BRF1: variants seen among roughly 807,000 people sequenced by gnomAD.
BRF1 encodes the protein transcription factor IIIB 90 kDa subunit.
BRF1 carries 59 observed loss-of-function variants against 81.7 expected under a neutral mutation model. The ratio of observed to expected loss-of-function variants is 0.72; its 90% CI spans 0.59 to 0.90. The LOEUF (loss-of-function observed/expected upper bound fraction) is 0.90, where lower values mean the gene tolerates loss of function less well. BRF1 is among the 40% of genes least tolerant of loss of function. The probability of loss-of-function intolerance (pLI) is 0.00; values close to 1 mark genes in which losing one functional copy is unlikely to be tolerated. For missense variants in BRF1, 1,050 were observed against 936.3 expected, an observed-to-expected ratio of 1.12 and a Z score of -1.58; for synonymous variants, 491 against 395.6, an observed-to-expected ratio of 1.24 and a Z score of -2.86.
chr14:105,217,664 C>A lies in BRF1; in HGVS notation c.1652G>T (p.Gly551Val), dbSNP rs753140640. 2 of 1,613,380 alleles carry A rather than the reference C, an allele frequency of 1.2e-6. No individual in the cohort carries two copies. The highest frequency in any genetic ancestry group is 2.2e-5 in the South Asian group (2 of 91,082). ...SVLRGLSSAGGGSPHREDAQP... is the reference protein window; with the variant it reads ...SVLRGLSSAGVGSPHREDAQP... ...TGCATCCTCCCTGTGCGGACTGCCC[C>A]CGCCGGCGCTGCTGAGGCCCCGGAG... Residue 551 changes from glycine (G) to valine (V), a missense_variant, in exon 15 of 18, where the codon GGG (glycine) becomes GTG (valine). Physicochemically the swap from Gly to Val is moderately radical, Grantham distance 109. This residue lies in a region of BRF1 where 1,043 missense variants were observed against 915.4 expected (regional missense o/e 1.14). Coordinates refer to ENST00000547530, the MANE Select transcript of BRF1 (RefSeq NM_001519.4).
intron 4 of BRF1, 85 bp downstream of exon 4, chr14:105,256,433 T>C (rs761112783): frequency 1.9e-6 from 3 of 1,613,582 alleles, no homozygotes; most frequent in African/African-American, 1.3e-5. Flanking sequence ...TGGAGGCACC[T>C]GGGGTACACC....
At chr14:105,229,581 G>C (rs587755143) in intron 6 of BRF1, among the ~76,000 whole-genome samples, 7 of 152,340 alleles carry the variant, frequency 4.6e-5, no homozygotes, top group East Asian at 3.9e-4. Flanking sequence ...GTGAGAGTCT[G>C]AGTGACAGCT....
At chr14:105,303,868 CTGT>C (rs1222328303), upstream of BRF1, among the ~76,000 whole-genome samples, 1 of 152,232 alleles carries the variant, frequency 6.6e-6, no homozygotes, top group Non-Finnish European at 1.5e-5. Context: ...CTTGCAGACA[CTGT>C]TGTCTCCATT....
rs1214289664 is a variant in BRF1, at chr14:105,271,107, CTGCT to C, written c.439+1610_439+1613del. The stretch of plus-strand genomic sequence containing the variant: ...AAAAACATGAAAGAAATGAAACAGC[CTGCT>C]GGAAGCTAAAGTTCAGGTGCTGTCC... On this transcript the variant is annotated intron_variant, in intron 3 of 17. Transcript: ENST00000547530. The surrounding 1 kb of genome is among the most constrained non-coding windows in gnomAD (Gnocchi z 5.5). Among the ~76,000 whole-genome samples, 1 of 152,208 alleles carries C rather than the reference CTGCT, an allele frequency of 6.6e-6. No individual in the cohort carries two copies. Among genetic ancestry groups the C allele is most frequent in the Non-Finnish European group, 1.5e-5 (1 of 68,038 alleles).
At chr14:105,250,081 C>T (rs768981856) in intron 5 of BRF1, 16 of 1,612,876 alleles carry the variant, frequency 9.9e-6, no homozygotes, top group South Asian at 4.4e-5. Flanking sequence ...CAACCATGAC[C>T]CTAGAGGAGT....
At chr14:105,252,716 C>A in intron 4 of BRF1, 137 bp from the exon 5 acceptor site, 1 of 898,386 alleles carries the variant, frequency 1.1e-6, no homozygotes. Flanking sequence ...CACCCGCAAG[C>A]CTGGCTGGCC....
intron 3 of BRF1, among the ~76,000 whole-genome samples, chr14:105,265,420 G>A (rs2056365750): frequency 6.6e-6 from 1 of 152,156 alleles, no homozygotes; most frequent in South Asian, 2.1e-4. Flanking sequence ...GTACATCAGA[G>A]TCAAACTGCC....
chr14:105,252,305 A>G (rs1595392668), intron 5 of BRF1: 2 of 922,170 alleles, frequency 2.2e-6, no homozygotes, highest in Admixed American at 1.2e-4. Flanking sequence ...GTGCCACTGC[A>G]CTCCAGCCTG....
rs1330088417 is a variant in BRF1 at position 105,209,402 on chromosome 14, G to C, written c.*1149C>G. On this transcript the variant is annotated 3_prime_UTR_variant, in exon 18 of 18. Transcript: ENST00000547530. ...CTGAGCTCTGGGCGGGGGTAGGGGG[G>C]TCTGGCCTGCTGCGGGCCAAGTTGG... 1.5e-6 allele frequency: 1 copy of C among 658,942 alleles called. No homozygotes were observed. Among genetic ancestry groups the C allele is most frequent in the Non-Finnish European group, 2.8e-6 (1 of 360,332 alleles). 40.8% of individuals were successfully genotyped at this position (658,942 alleles called of 1,614,324 possible). A position where few individuals can be genotyped will look rare whatever the true frequency, so the allele number is the denominator to read the frequency against.
intron 10 of BRF1, among the ~76,000 whole-genome samples, chr14:105,225,064 C>T (rs1393376737): frequency 6.6e-6 from 1 of 152,194 alleles, no homozygotes; most frequent in Admixed American, 6.5e-5. Flanking sequence ...GTGCCAGGAG[C>T]CTTGGGGGCT....
chr14:105,280,115 C>G (rs1293000335), intron 2 of BRF1, among the ~76,000 whole-genome samples: 1 of 152,246 alleles, frequency 6.6e-6, no homozygotes, highest in African/African-American at 2.4e-5. Context: ...AGCAGCTTCA[C>G]TCATAATCGC....
At position 105,252,614 on chromosome 14, in the gene BRF1, G is replaced by A. The variant is rs200847923; in HGVS notation, c.472-35C>T. 10 of 1,596,942 alleles carry A rather than the reference G, an allele frequency of 6.3e-6. No individual in the cohort carries two copies. The African/African-American group carries it at 6.7e-5, about 11-fold the overall frequency. ...AGAGATCACAACCAGAAACAGCATT[G>A]GTATTTAAGGAAATGTTTGCTTTTT... On this transcript the variant is annotated intron_variant, in intron 4 of 17. Transcript: ENST00000547530.
At chr14:105,283,447 ACTC>A (rs759545573) in intron 2 of BRF1, among the ~76,000 whole-genome samples, 35 of 151,990 alleles carry the variant, frequency 2.3e-4, no homozygotes, top group Non-Finnish European at 4.3e-4. Flanking sequence ...CCCCAGTAAG[ACTC>A]AAGAGGGGTG....
chr14:105,267,592 C>T (rs924219138), intron 3 of BRF1, among the ~76,000 whole-genome samples: 16 of 152,166 alleles, frequency 1.1e-4, no homozygotes, highest in Non-Finnish European at 1.9e-4. Context: ...GATTTACAGG[C>T]GTGAGCCACT....
chr14:105,250,070 C>T, intron 5 of BRF1: 1 of 1,613,016 alleles, frequency 6.2e-7, no homozygotes, highest in Non-Finnish European at 8.5e-7. Context: ...GGTCCGAATT[C>T]CAACCATGAC....
intron 1 of BRF1, chr14:105,314,943 C>G: frequency 8.6e-7 from 1 of 1,160,626 alleles, no homozygotes; most frequent in Non-Finnish European, 1.1e-6. Flanking sequence ...CCGCCTCGGC[C>G]TCCCCGGCGC....
At chr14:105,258,214 C>T (rs977912816) in intron 3 of BRF1, among the ~76,000 whole-genome samples, 14 of 152,346 alleles carry the variant, frequency 9.2e-5, no homozygotes, top group African/African-American at 3.1e-4. Context: ...CTGGGCTGGA[C>T]GCGGTGACTC....
chr14:105,209,882 T>C lies in BRF1; in HGVS notation c.*669A>G. ...CCCTGGAGCAGGGGTCTGACCCCCATGCTGCTCCAGGCGGTGCAGGCAGCG... is the reference window on the plus strand; with the variant it reads ...CCCTGGAGCAGGGGTCTGACCCCCACGCTGCTCCAGGCGGTGCAGGCAGCG... On this transcript the variant is annotated 3_prime_UTR_variant, in exon 18 of 18. Transcript: ENST00000547530. 1 of 433,318 alleles carries C rather than the reference T, an allele frequency of 2.3e-6. No individual in the cohort carries two copies. The highest frequency in any genetic ancestry group is 5.9e-4 in the Middle Eastern group (1 of 1,686). The allele number at this position is 433,318 out of a possible 1,614,324, so 26.8% of individuals were successfully genotyped here.
At chr14:105,261,310 C>A (rs1330041607) in intron 3 of BRF1, among the ~76,000 whole-genome samples, 1 of 152,254 alleles carries the variant, frequency 6.6e-6, no homozygotes, top group Admixed American at 6.5e-5. Context: ...CCACGCGAGG[C>A]TCCCATCAGC....
Sources: gnomAD v4.1 joint callset for allele counts (sites outside exome capture counted in the v4.1 genomes callset) on GRCh38, gnomAD v4.1.1 for gene constraint, gnomAD v4.1.1 regional missense constraint, Gnocchi (gnomAD v3.1) non-coding constraint, MANE v1.5 for transcripts, NCBI Gene and HGNC (gene_info 2026-07-23, HGNC 2026-07-21) for gene names.